The following PITPNC1 variants were observed in gnomAD, a reference collection of about 807,000 sequenced individuals.
The protein encoded by PITPNC1 is cytoplasmic phosphatidylinositol transfer protein 1.
In PITPNC1, 18 loss-of-function variants were observed where a neutral mutation model predicts 44.7. The ratio of observed to expected loss-of-function variants is 0.40; its 90% CI spans 0.28 to 0.60. PITPNC1 has a LOEUF of 0.60. PITPNC1 is among the 20% of genes least tolerant of loss of function. PITPNC1 has a pLI of 0.39. For missense variants in PITPNC1, 290 were observed against 418.4 expected (o/e 0.69, Z 2.68); for synonymous variants, 141 against 149.6 (o/e 0.94, Z 0.42).
In PITPNC1 at chr17:67,579,249, A is replaced by C. The variant is rs1255066328; in HGVS notation, c.366+992A>C. 2.6e-5 allele frequency among the ~76,000 whole-genome samples: 4 copies of C among 152,132 alleles called. No homozygotes were observed. The East Asian group carries it at 7.7e-4, about 29-fold the overall frequency. ...TTTCTGTTTGGGCAGTAAATTTCTA[A>C]CTTCTCTTTTCTTTGGGGGTGACTG... is the stretch of plus-strand genomic sequence containing the variant. On this transcript the variant is annotated intron_variant, in intron 5 of 8. Transcript: ENST00000581322.
At chr17:67,469,455 T>G (rs2039480366) in intron 1 of PITPNC1, among the ~76,000 whole-genome samples, 1 of 152,138 alleles carries the variant, frequency 6.6e-6, no homozygotes, top group African/African-American at 2.4e-5. Flanking sequence ...GCCTCTGTGT[T>G]TTAACAAGAT....
chr17:67,481,304 A>T (rs2039698496), intron 1 of PITPNC1, among the ~76,000 whole-genome samples: 1 of 152,222 alleles, frequency 6.6e-6, no homozygotes, highest in Admixed American at 6.5e-5. Flanking sequence ...GCCCTGGTCC[A>T]AAAGTGGCCC....
At position 67,552,475 on chromosome 17, in the gene PITPNC1, T is replaced by A. The variant is rs2040780245; in HGVS notation, c.286+130T>A. On this transcript the variant is annotated intron_variant, in intron 3 of 8. Coordinates refer to ENST00000581322, the MANE Select transcript of PITPNC1 (RefSeq NM_012417.4). ...AGCCCCGTAGTATCCCTCTTTTTTTTTTTGGTTTCTTACTTGTAGGTTATC... is the reference window on the plus strand; with the variant it reads ...AGCCCCGTAGTATCCCTCTTTTTTTATTTGGTTTCTTACTTGTAGGTTATC... 1.1e-5 allele frequency: 7 copies of A among 625,026 alleles called. No individual in the cohort carries two copies. The South Asian group carries it at 1.4e-4, about 12-fold the overall frequency. 38.7% of individuals were successfully genotyped at this position (625,026 alleles called of 1,614,324 possible). A position where few individuals can be genotyped will look rare whatever the true frequency, so the allele number is the denominator to read the frequency against.
chr17:67,493,093 C>T (rs1379873275), intron 1 of PITPNC1, among the ~76,000 whole-genome samples: 1 of 152,196 alleles, frequency 6.6e-6, no homozygotes, highest in African/African-American at 2.4e-5. Context: ...TTTTTAAACA[C>T]CCCATCCGAT....
intron 1 of PITPNC1, among the ~76,000 whole-genome samples, chr17:67,398,421 A>G (rs1471513064): frequency 6.6e-6 from 1 of 152,118 alleles, no homozygotes; most frequent in Non-Finnish European, 1.5e-5. Flanking sequence ...TCGGTTGGCA[A>G]GAGGTCAGGT....
chr17:67,655,098 T>C (rs1288481565), intron 6 of PITPNC1, among the ~76,000 whole-genome samples: 1 of 152,094 alleles, frequency 6.6e-6, no homozygotes, highest in East Asian at 1.9e-4. Context: ...TTATAAACAA[T>C]AAACATTGAT....
chr17:67,587,415 G>A (rs1453401150), intron 5 of PITPNC1, among the ~76,000 whole-genome samples: 5 of 152,008 alleles, frequency 3.3e-5, no homozygotes, highest in Non-Finnish European at 5.9e-5. Context: ...GATCGCTTGA[G>A]CCCAGGCAGT....
At chr17:67,477,582 T>TGG (rs2039648403) in intron 1 of PITPNC1, among the ~76,000 whole-genome samples, 1 of 150,542 alleles carries the variant, frequency 6.6e-6, no homozygotes, top group Non-Finnish European at 1.5e-5. Context: ...TATTTTTTGG[T>TGG]AGAGACAGGG....
intron 1 of PITPNC1, among the ~76,000 whole-genome samples, chr17:67,518,453 T>C (rs1359756697): frequency 7.0e-6 from 1 of 143,032 alleles, no homozygotes. Flanking sequence ...TTGACTCTTC[T>C]GGTTTAAATA....
chr17:67,488,023 A>C (rs2039806656), intron 1 of PITPNC1, among the ~76,000 whole-genome samples: 1 of 152,226 alleles, frequency 6.6e-6, no homozygotes, highest in African/African-American at 2.4e-5. Flanking sequence ...GGTTTGGATT[A>C]CCGAGCAGCT....
chr17:67,434,259 C>A (rs1327146587), intron 1 of PITPNC1, among the ~76,000 whole-genome samples: 1 of 152,166 alleles, frequency 6.6e-6, no homozygotes, highest in Non-Finnish European at 1.5e-5. Flanking sequence ...CCTCCCTGTG[C>A]CCACACAAGA....
intron 1 of PITPNC1, among the ~76,000 whole-genome samples, chr17:67,393,439 T>G (rs1287723452): frequency 6.6e-6 from 1 of 152,116 alleles, no homozygotes; most frequent in Admixed American, 6.6e-5. Context: ...TACTTATCAT[T>G]AAACTCATTC....
intron 5 of PITPNC1, among the ~76,000 whole-genome samples, chr17:67,610,148 T>G (rs1421019446): frequency 6.6e-6 from 1 of 152,168 alleles, no homozygotes. Flanking sequence ...TACGAGAGTG[T>G]TAAGTGCCAG....
chr17:67,566,959 G>A (rs150709759), intron 4 of PITPNC1, among the ~76,000 whole-genome samples: 232 of 152,320 alleles, frequency 1.5e-3, no homozygotes, highest in Non-Finnish European at 2.8e-3. Flanking sequence ...GGACCTTTCC[G>A]TGCCTTTGTT....
chr17:67,670,535 G>A (rs1285136221), intron 7 of PITPNC1, among the ~76,000 whole-genome samples: 2 of 151,898 alleles, frequency 1.3e-5, no homozygotes, highest in Non-Finnish European at 2.9e-5. Context: ...ATCACTTGAG[G>A]TCAGGAGTTC....
At chr17:67,403,226 A>AAAAAAAC (rs2038348433) in intron 1 of PITPNC1, among the ~76,000 whole-genome samples, 1 of 150,106 alleles carries the variant, frequency 6.7e-6, no homozygotes, top group African/African-American at 2.5e-5. Context: ...TACAAAAAAA[A>AAAAAAAC]AAAAAAAAAA....
rs117410047 is a variant in PITPNC1 at position 67,460,163 on chromosome 17, G to A, written c.49-72639G>A. Among the ~76,000 whole-genome samples, 976 of 152,266 alleles carry A rather than the reference G, an allele frequency of 6.4e-3. 3 individuals are homozygous for A. Among genetic ancestry groups the A allele is most frequent in the Non-Finnish European group, 0.012 (818 of 67,998 alleles). On this transcript the variant is annotated intron_variant, in intron 1 of 8. Coordinates refer to ENST00000581322, the MANE Select transcript of PITPNC1 (RefSeq NM_012417.4). ...ACCTGTGGCAGGTATTCTGCACCCA[G>A]AATTGTTTGTCAAAGTGAGTGCTCA...
rs575010654 is a variant in PITPNC1, at chr17:67,597,475, A to G, written c.366+19218A>G. Among the ~76,000 whole-genome samples the G allele has an allele frequency of 7.9e-5, 12 of 152,254 alleles. No homozygotes were observed. The highest frequency in any genetic ancestry group is 3.3e-4 in the Admixed American group (5 of 15,286). ...AGGCTGAGGCAGGAGAATCACTTGA[A>G]TACGGGAGGTGGAGGTTGCAGTGAG... is the stretch of plus-strand genomic sequence containing the variant. On this transcript the variant is annotated intron_variant, in intron 5 of 8. Transcript: ENST00000581322. This position sits in a 1 kb window ranked among gnomAD's most constrained non-coding sequence, Gnocchi z 4.0.
chr17:67,424,340 C>T (rs2038714074), intron 1 of PITPNC1, among the ~76,000 whole-genome samples: 1 of 152,036 alleles, frequency 6.6e-6, no homozygotes, highest in Admixed American at 6.6e-5. Flanking sequence ...TATAACTATG[C>T]AAGATTACCA....
Sources: allele counts gnomAD v4.1 joint callset (sites outside exome capture counted in the v4.1 genomes callset), GRCh38; gene constraint gnomAD v4.1.1; non-coding constraint Gnocchi (gnomAD v3.1); transcripts MANE v1.5; gene names NCBI Gene and HGNC (gene_info 2026-07-23, HGNC 2026-07-21).